ADAMTS9: variants seen among roughly 807,000 people sequenced by gnomAD.
ADAMTS9 encodes A disintegrin and metalloproteinase with thrombospondin motifs 9.
ADAMTS9 carries 107 observed loss-of-function variants against 257.1 expected under a neutral mutation model. The observed-to-expected ratio is 0.42, with a 90% CI of 0.36 to 0.49. The LOEUF is 0.49. Ranked by LOEUF, ADAMTS9 falls within the 20% of genes least tolerant of loss-of-function variation. The pLI, the probability that ADAMTS9 is intolerant of heterozygous loss-of-function variation, is 0.03. For synonymous variants in ADAMTS9, 982 were observed against 880.9 expected (o/e 1.11, Z -2.03); for missense variants, 2,353 against 2,469.1 (o/e 0.95, Z 1.00).
chr3:64,604,363 C>A, intron 23 of ADAMTS9, 32 bp from the exon 24 acceptor site: 11 of 1,473,812 alleles, frequency 7.5e-6, no homozygotes, highest in South Asian at 1.3e-5. Flanking sequence ...AAAACAAAGT[C>A]ACTTTCAAGT....
At chr3:64,538,232 ATGTT>A (rs941905564) in intron 37 of ADAMTS9, among the ~76,000 whole-genome samples, 3 of 152,228 alleles carry the variant, frequency 2.0e-5, no homozygotes, top group African/African-American at 4.8e-5. Context: ...CAAGGGATGA[ATGTT>A]TGTGAGTCTC....
chr3:64,643,099 G>A (rs1700696367), intron 11 of ADAMTS9, among the ~76,000 whole-genome samples: 1 of 152,170 alleles, frequency 6.6e-6, no homozygotes, highest in Non-Finnish European at 1.5e-5. Flanking sequence ...TTTGGCTGAG[G>A]CTTAAGATGT....
intron 8 of ADAMTS9, among the ~76,000 whole-genome samples, chr3:64,653,278 C>T (rs1700977547): frequency 6.6e-6 from 1 of 152,194 alleles, no homozygotes; most frequent in Non-Finnish European, 1.5e-5. Context: ...GCCTCAGAAA[C>T]CACGAGGATA....
intron 12 of ADAMTS9, among the ~76,000 whole-genome samples, chr3:64,641,514 C>G (rs1700640835): frequency 7.5e-6 from 1 of 132,552 alleles, no homozygotes; most frequent in South Asian, 2.5e-4. Context: ...TGTTCCCCTT[C>G]CTGTGTCCGT....
At chr3:64,549,209 T>C (rs151149185) in intron 31 of ADAMTS9, among the ~76,000 whole-genome samples, 88 of 152,324 alleles carry the variant, frequency 5.8e-4, no homozygotes, top group Middle Eastern at 3.4e-3. Context: ...ATTTGCAGAC[T>C]TTTCAATTCA....
rs750462862 is a variant in ADAMTS9, at chr3:64,596,949, C to T, written c.4060G>A (p.Val1354Ile). 6.2e-7 allele frequency: 1 copy of T among 1,612,360 alleles called. No individual in the cohort carries two copies. Among genetic ancestry groups the T allele is most frequent in the Non-Finnish European group, 8.5e-7 (1 of 1,179,166 alleles). Residue 1354 changes from valine to isoleucine, a missense_variant, in exon 27 of 40, where the codon GTA becomes ATA. By Grantham distance (29) the Val-to-Ile change is conservative. Around this residue, in one of 3 missense-constraint regions of ADAMTS9, gnomAD observed 1,402 missense variants for 1,441.4 expected, o/e 0.97. Transcript: ENST00000498707. ...CAGGSQRRVVVCQDENGYTAN... is the reference protein window; with the variant it reads ...CAGGSQRRVVICQDENGYTAN... ...GTGTATCCATTTTCATCCTGACATA[C>T]AACAACACGCCGCTGGGATCCGCCA... is the stretch of plus-strand genomic sequence containing the variant.
chr3:64,621,438 C>A (rs1192546793), intron 18 of ADAMTS9, among the ~76,000 whole-genome samples, 198 bp from the exon 19 acceptor site: 2 of 152,114 alleles, frequency 1.3e-5, no homozygotes, highest in Non-Finnish European at 2.9e-5. Context: ...ACAAAATTGT[C>A]ATGACTGTGT....
At chr3:64,679,255 A>C (rs1166494436) in intron 3 of ADAMTS9, among the ~76,000 whole-genome samples, 1 of 152,180 alleles carries the variant, frequency 6.6e-6, no homozygotes, top group Admixed American at 6.5e-5. Context: ...TTTGAATCAC[A>C]GTACTAATTA....
At chr3:64,578,102 C>T (rs1015442892) in intron 28 of ADAMTS9, among the ~76,000 whole-genome samples, 1 of 152,114 alleles carries the variant, frequency 6.6e-6, no homozygotes, top group African/African-American at 2.4e-5. Context: ...CGTGTCTGAG[C>T]CTGTATCCAG....
chr3:64,631,448 A>G lies in ADAMTS9; in HGVS notation c.2389+7T>C, dbSNP rs201398173. ...GAACTCGCAAGTAGTGAGGCATCCC[A>G]TCTCACCTAAGTAGTTGTCATCGTC... On this transcript the variant is annotated splice_region_variant and intron_variant, in intron 16 of 39. Coordinates refer to ENST00000498707, the MANE Select transcript of ADAMTS9 (RefSeq NM_182920.2). The G allele has an allele frequency of 4.0e-5, 64 of 1,611,470 alleles. No individual in the cohort carries two copies. In the Middle Eastern group the frequency reaches 1.2e-3, roughly 29 times the overall value.
At chr3:64,546,612 G>T in intron 32 of ADAMTS9, 146 bp downstream of exon 32, 1 of 764,274 alleles carries the variant, frequency 1.3e-6, no homozygotes. Context: ...AAGTCCCTTT[G>T]ATCCCTGTTA....
chr3:64,598,282 G>C (rs903903617), intron 26 of ADAMTS9, among the ~76,000 whole-genome samples: 2 of 149,928 alleles, frequency 1.3e-5, no homozygotes, highest in African/African-American at 4.9e-5. Flanking sequence ...TGATGATTCT[G>C]GTATACTTAC....
intron 26 of ADAMTS9, among the ~76,000 whole-genome samples, chr3:64,599,755 C>G (rs1292431516): frequency 6.6e-6 from 1 of 152,226 alleles, no homozygotes; most frequent in Non-Finnish European, 1.5e-5. Flanking sequence ...CAAGCCACAG[C>G]CCAAAGACCA....
chr3:64,649,431 T>C (rs1469713649), intron 10 of ADAMTS9, among the ~76,000 whole-genome samples: 1 of 152,164 alleles, frequency 6.6e-6, no homozygotes, highest in Non-Finnish European at 1.5e-5. Flanking sequence ...GAGGATGAAA[T>C]GAGAAAGTGC....
rs1039282146 is a variant in ADAMTS9, at chr3:64,614,325, G to A, written c.3190-816C>T. Among the ~76,000 whole-genome samples the A allele has an allele frequency of 3.3e-5, 5 of 152,020 alleles. No homozygotes were observed. The East Asian group carries it at 7.7e-4, about 23-fold the overall frequency. On this transcript the variant is annotated intron_variant, in intron 21 of 39. Transcript: ENST00000498707. ...TAAGCAAAGGCAATTTGTTAACCTA[G>A]AACTAAAGCACTAGGTTTGCAGTTC...
intron 16 of ADAMTS9, among the ~76,000 whole-genome samples, chr3:64,630,366 C>T (rs978906389): frequency 7.9e-5 from 12 of 152,056 alleles, no homozygotes; most frequent in Non-Finnish European, 1.5e-4. Flanking sequence ...GAGTTCAAGC[C>T]CAGCCTGGGC....
At chr3:64,623,852 T>C (rs1181538503) in intron 16 of ADAMTS9, among the ~76,000 whole-genome samples, 1 of 152,098 alleles carries the variant, frequency 6.6e-6, no homozygotes, top group Non-Finnish European at 1.5e-5. Context: ...GCTCAGTAAA[T>C]ATGTATCTTC....
Position 64,531,160 on chromosome 3 carries a change from C to T in ADAMTS9, c.5718+2006G>A, listed in dbSNP as rs1466759321. On this transcript the variant is annotated intron_variant, in intron 38 of 39. Transcript: ENST00000498707. Reference sequence around the variant, plus strand: ...ATGGAGAAGAGAGAGAGTGAGATAGCTTTTTTTCACAGACACAAACTTAAT... The same window carrying T: ...ATGGAGAAGAGAGAGAGTGAGATAGTTTTTTTTCACAGACACAAACTTAAT... Among the ~76,000 whole-genome samples, 3 of 152,144 alleles carry T rather than the reference C, an allele frequency of 2.0e-5. No individual in the cohort carries two copies. The East Asian group carries it at 5.8e-4, about 30-fold the overall frequency.
intron 29 of ADAMTS9, 125 bp downstream of exon 29, chr3:64,568,243 C>T (rs1326909029): frequency 1.9e-5 from 18 of 963,322 alleles, no homozygotes; most frequent in Non-Finnish European, 2.7e-5. Context: ...ATGATTCTCC[C>T]CTCCCAGTCC....
Sources: gnomAD v4.1 joint callset for allele counts (sites outside exome capture counted in the v4.1 genomes callset) on GRCh38, gnomAD v4.1.1 for gene constraint, gnomAD v4.1.1 regional missense constraint, MANE v1.5 for transcripts, NCBI Gene and HGNC (gene_info 2026-07-23, HGNC 2026-07-21) for gene names.